The following ELMOD2 variants were observed in gnomAD, a reference collection of about 807,000 sequenced individuals.
ELMOD2 encodes ELMO domain containing 2.
A neutral mutation model predicts 41.0 loss-of-function variants in ELMOD2; 28 were observed. The observed-to-expected ratio is 0.68, with a 90% CI of 0.51 to 0.94. The LOEUF (loss-of-function observed/expected upper bound fraction) is 0.94, where lower values mean the gene tolerates loss of function less well. Among genes scored for constraint, ELMOD2 ranks in the 40% least tolerant of loss-of-function variants. The pLI is 0.00. For missense variants in ELMOD2, 333 were observed against 343.1 expected (o/e 0.97, Z 0.23); for synonymous variants, 106 against 107.2 (o/e 0.99, Z 0.07).
chr4:140,535,604 T>C (rs1734895390), intron 3 of ELMOD2, 129 bp from the exon 4 acceptor site: 2 of 720,984 alleles, frequency 2.8e-6, no homozygotes, highest in Non-Finnish European at 4.7e-6. Flanking sequence ...TGAAATAAAC[T>C]GGTTGAAACA....
At chr4:140,525,289 T>C (rs769358542) in intron 1 of ELMOD2, 131 bp from the exon 2 acceptor site, 23 of 1,011,952 alleles carry the variant, frequency 2.3e-5, no homozygotes, top group Non-Finnish European at 3.1e-5. Flanking sequence ...AAATGCCTAA[T>C]TAAACTGTCA....
chr4:140,527,644 C>T, intron 3 of ELMOD2, 150 bp downstream of exon 3: 2 of 613,510 alleles, frequency 3.3e-6, no homozygotes, highest in Non-Finnish European at 5.6e-6. Context: ...TGTTTTCAAA[C>T]ATTTCTCTAT....
chr4:140,542,718 T>G (rs1161947154), intron 7 of ELMOD2, 76 bp downstream of exon 7: 3 of 1,060,642 alleles, frequency 2.8e-6, no homozygotes, highest in Non-Finnish European at 4.1e-6. Context: ...TTTGAAGGTA[T>G]ATCAAGGTAT....
chr4:140,524,635 A>C (rs1330149344), intron 1 of ELMOD2: 1 of 985,392 alleles, frequency 1.0e-6, no homozygotes, highest in Non-Finnish European at 1.2e-6. Context: ...GAACTTCGAC[A>C]GTCCCTCCTC....
At position 140,525,599 on chromosome 4, in the gene ELMOD2, A is replaced by G. The variant is rs768764837; in HGVS notation, c.142+29A>G. On this transcript the variant is annotated intron_variant, in intron 2 of 8. Transcript: ENST00000323570. ...ATGTTATTCAAAAAGAAAAAGTACT[A>G]ATAAAAGTTTAACGGAGTGTTTTTC... The G allele has an allele frequency of 5.1e-6, 8 of 1,582,990 alleles. No individual in the cohort carries two copies. The Admixed American group carries it at 1.2e-4, about 23-fold the overall frequency.
intron 5 of ELMOD2, among the ~76,000 whole-genome samples, chr4:140,538,807 C>A (rs971477183): frequency 2.0e-5 from 3 of 152,198 alleles, no homozygotes; most frequent in African/African-American, 7.2e-5. Context: ...CGTTAAATAG[C>A]ATTTACTATG....
intron 8 of ELMOD2, among the ~76,000 whole-genome samples, chr4:140,546,227 A>G (rs1345961690): frequency 6.6e-6 from 1 of 152,160 alleles, no homozygotes; most frequent in East Asian, 1.9e-4. Flanking sequence ...TCAGCAAACT[A>G]TCGCAAGGAC....
At chr4:140,529,428 C>T (rs567350745) in intron 3 of ELMOD2, among the ~76,000 whole-genome samples, 2 of 152,246 alleles carry the variant, frequency 1.3e-5, no homozygotes, top group South Asian at 2.1e-4. Flanking sequence ...CATAGCTGAG[C>T]TCTTTATGTT....
At chr4:140,530,713 C>G (rs1734720984) in intron 3 of ELMOD2, among the ~76,000 whole-genome samples, 1 of 152,092 alleles carries the variant, frequency 6.6e-6, no homozygotes, top group South Asian at 2.1e-4. Flanking sequence ...GGTTTTAAAT[C>G]TAAGACAAAC....
rs1323534447 is a variant in ELMOD2, at chr4:140,536,791, A to G, written c.270-621A>G. Reference sequence around the variant, plus strand: ...GAAGGAATAAAGAATAGGAAATTTGAGTTATTCAGGTAAGAAATGACAAAG... The same window carrying G: ...GAAGGAATAAAGAATAGGAAATTTGGGTTATTCAGGTAAGAAATGACAAAG... On this transcript the variant is annotated intron_variant, in intron 4 of 8. Coordinates refer to ENST00000323570, the MANE Select transcript of ELMOD2 (RefSeq NM_153702.4). Among the ~76,000 whole-genome samples the G allele has an allele frequency of 2.6e-5, 4 of 152,182 alleles. No homozygotes were observed. The East Asian group carries it at 5.8e-4, about 22-fold the overall frequency.
chr4:140,552,906 A>G lies in ELMOD2; in HGVS notation c.*2531A>G, dbSNP rs186785510. Reference sequence around the variant, plus strand: ...AGAAATGGGAGAAATTGGGGGTATCAGTGAACCTATACCAACCTCTCTTTG... The same window carrying G: ...AGAAATGGGAGAAATTGGGGGTATCGGTGAACCTATACCAACCTCTCTTTG... On this transcript the variant is annotated 3_prime_UTR_variant, in exon 9 of 9. Transcript: ENST00000323570. 1 of 152,106 alleles carries G rather than the reference A, an allele frequency of 6.6e-6. No individual in the cohort carries two copies. Among genetic ancestry groups the G allele is most frequent in the Admixed American group, 6.6e-5 (1 of 15,258 alleles). 9.4% of individuals were successfully genotyped at this position (152,106 alleles called of 1,614,324 possible).
chr4:140,543,063 T>C (rs888827390), intron 7 of ELMOD2, among the ~76,000 whole-genome samples: 1 of 151,958 alleles, frequency 6.6e-6, no homozygotes, highest in African/African-American at 2.4e-5. Flanking sequence ...TGAAAAAGCA[T>C]AGTAACAATG....
rs374927046 is a variant in ELMOD2, at chr4:140,540,960, T to C, written c.533+659T>C. 5.6e-3 allele frequency among the ~76,000 whole-genome samples: 854 copies of C among 152,342 alleles called. 3 individuals carry two copies. Among genetic ancestry groups the C allele is most frequent in the South Asian group, 0.018 (87 of 4,830 alleles). ...CCAGATAAGGTGATAATAAAGTCTC[T>C]TTATATATGTTCTTCACCACCTGTG... On this transcript the variant is annotated intron_variant, in intron 6 of 8. Coordinates refer to ENST00000323570, the MANE Select transcript of ELMOD2 (RefSeq NM_153702.4).
chr4:140,546,524 AAAAT>A (rs146860494), intron 8 of ELMOD2, among the ~76,000 whole-genome samples: 4,913 of 151,682 alleles, frequency 0.032, 268 homozygotes, highest in African/African-American at 0.11. Context: ...ACTAATGTAA[AAAAT>A]AAATAAATTT....
At chr4:140,535,594 T>C in intron 3 of ELMOD2, 139 bp from the exon 4 acceptor site, 1 of 675,808 alleles carries the variant, frequency 1.5e-6, no homozygotes, top group Non-Finnish European at 2.6e-6. Flanking sequence ...AGAGAAAATG[T>C]GAAATAAACT....
At chr4:140,547,536 A>C (rs1735328603) in intron 8 of ELMOD2, among the ~76,000 whole-genome samples, 1 of 152,152 alleles carries the variant, frequency 6.6e-6, no homozygotes, top group Non-Finnish European at 1.5e-5. Flanking sequence ...GTTCCAAAAA[A>C]AAATAGTAAC....
chr4:140,545,976 C>G (rs758624681), intron 8 of ELMOD2, among the ~76,000 whole-genome samples: 2 of 152,126 alleles, frequency 1.3e-5, no homozygotes, highest in Admixed American at 6.6e-5. Flanking sequence ...CCCAGCCATC[C>G]CATTACTGGG....
chr4:140,542,576 A>G lies in ELMOD2; in HGVS notation c.536A>G (p.Tyr179Cys), dbSNP rs779496388. 1 of 1,601,536 alleles carries G rather than the reference A, an allele frequency of 6.2e-7. No individual in the cohort carries two copies. Among genetic ancestry groups the G allele is most frequent in the East Asian group, 2.2e-5 (1 of 44,492 alleles). Residue 179 changes from tyrosine (Y) to cysteine (C), a missense_variant and splice_region_variant, in exon 7 of 9, where the codon TAT becomes TGT. Transcript: ENST00000323570. ...ATTATTTTTCTTAAACTTTTTAGGT[A>G]TTTCAGTGAAAATTACACTAGTGAA... Reference protein sequence around the residue: ...MGILGLINLVYFSENYTSEAH... With the variant: ...MGILGLINLVCFSENYTSEAH...
intron 5 of ELMOD2, among the ~76,000 whole-genome samples, chr4:140,539,022 T>G (rs1735021474): frequency 6.6e-6 from 1 of 152,202 alleles, no homozygotes; most frequent in African/African-American, 2.4e-5. Context: ...GTCACAGGTG[T>G]TGATAATAAA....
Sources: allele counts gnomAD v4.1 joint callset (sites outside exome capture counted in the v4.1 genomes callset), GRCh38; gene constraint gnomAD v4.1.1; transcripts MANE v1.5; gene names NCBI Gene and HGNC (gene_info 2026-07-23, HGNC 2026-07-21).